Variants in ADSL observed in about 807,000 individuals in gnomAD.
ADSL encodes adenylosuccinase.
A neutral mutation model predicts 62.1 loss-of-function variants in ADSL; 44 were observed. The ratio of observed to expected loss-of-function variants is 0.71; its 90% CI spans 0.56 to 0.91. The LOEUF is 0.91. Ranked by LOEUF, ADSL falls within the 40% of genes least tolerant of loss-of-function variation. The pLI is 0.00. For missense variants in ADSL, 531 were observed against 627.4 expected, an observed-to-expected ratio of 0.85 and a Z score of 1.64; for synonymous variants, 198 against 220.5, an observed-to-expected ratio of 0.90 and a Z score of 0.90.
At position 40,364,294 on chromosome 22, in the gene ADSL, C is replaced by T. The variant is rs376533026; in HGVS notation, c.1120C>T (p.Arg374Trp). ...CCTATAGGTAATTGAACGGCGCATT[C>T]GGCAAGAGCTGCCTTTCATGGCCAC... ...VYPKVIERRI[R>W]QELPFMATEN... The change falls in exon 11 of 13, where the codon CGG becomes TGG. Residue 374 changes from arginine (R) to tryptophan (W), a missense_variant. Arg to Trp is a moderately radical substitution (Grantham distance 101). Transcript: ENST00000623063. 1.1e-5 allele frequency: 17 copies of T among 1,613,930 alleles called. No individual in the cohort carries two copies. The highest frequency in any genetic ancestry group is 4.4e-5 in the South Asian group (4 of 91,056).
At chr22:40,382,335 G>T (rs1417551891) in intron 2 of ADSL, among the ~76,000 whole-genome samples, 1 of 152,178 alleles carries the variant, frequency 6.6e-6, no homozygotes, top group South Asian at 2.1e-4. Flanking sequence ...CTGGGGGATT[G>T]GTTGTTGGTA....
At chr22:40,363,176 A>G (rs1640555406) in intron 10 of ADSL, 105 bp downstream of exon 10, 1 of 1,054,284 alleles carries the variant, frequency 9.5e-7, no homozygotes. Flanking sequence ...TCCGATAGGC[A>G]TTCTTCCCAC....
intron 3 of ADSL, 45 bp downstream of exon 3, chr22:40,353,162 G>T: frequency 6.7e-7 from 1 of 1,500,510 alleles, no homozygotes; most frequent in Non-Finnish European, 9.3e-7. Flanking sequence ...GATTCCCTAT[G>T]TTAGGAGATA....
At chr22:40,352,496 A>G (rs150038162) in intron 2 of ADSL, among the ~76,000 whole-genome samples, 1 of 152,214 alleles carries the variant, frequency 6.6e-6, no homozygotes, top group East Asian at 1.9e-4. Context: ...CCACTGCACT[A>G]CAGCCTGGGC....
chr22:40,365,652 T>A (rs908550758), intron 12 of ADSL, among the ~76,000 whole-genome samples: 2 of 152,008 alleles, frequency 1.3e-5, no homozygotes, highest in African/African-American at 2.4e-5. Flanking sequence ...GGAGGATTGC[T>A]TGAGCTCAGG....
chr22:40,381,758 T>A (rs2047614455), intron 2 of ADSL, among the ~76,000 whole-genome samples: 1 of 152,130 alleles, frequency 6.6e-6, no homozygotes, highest in Admixed American at 6.6e-5. Flanking sequence ...AGTTCAAGAC[T>A]GGCCTGAGCA....
At chr22:40,361,956 G>A (rs2044806979) in intron 9 of ADSL, among the ~76,000 whole-genome samples, 1 of 152,182 alleles carries the variant, frequency 6.6e-6, no homozygotes, top group South Asian at 2.1e-4. Flanking sequence ...CACAAAGCAG[G>A]AGAAAACACA....
intron 8 of ADSL, 45 bp from the exon 9 acceptor site, chr22:40,361,443 G>C (rs773030423): frequency 5.6e-6 from 9 of 1,613,938 alleles, no homozygotes; most frequent in Non-Finnish European, 7.6e-6. Flanking sequence ...ACTATCCTCT[G>C]AAGTCTCTCT....
chr22:40,353,331 A>G (rs1054187937), intron 3 of ADSL: 1 of 703,636 alleles, frequency 1.4e-6, no homozygotes, highest in Non-Finnish European at 2.6e-6. Flanking sequence ...TTCTTGAGCC[A>G]GAGTCTCATT....
chr22:40,354,093 G>A, intron 3 of ADSL, 155 bp from the exon 4 acceptor site: 1 of 759,428 alleles, frequency 1.3e-6, no homozygotes, highest in Non-Finnish European at 2.3e-6. Flanking sequence ...AACTCTTCCA[G>A]GCACTTTAGG....
intron 9 of ADSL, 87 bp from the exon 10 acceptor site, chr22:40,362,894 G>A (rs1309110624): frequency 8.2e-7 from 1 of 1,214,724 alleles, no homozygotes; most frequent in Non-Finnish European, 1.2e-6. Context: ...AGAGAGTACA[G>A]TCAGTAGGGC....
Position 40,360,977 on chromosome 22 carries a change from A to G in ADSL, c.793-296A>G, listed in dbSNP as rs2044760773. The G allele has an allele frequency of 7.0e-6, 3 of 430,720 alleles. No homozygotes were observed. The Admixed American group carries it at 1.0e-4, about 14-fold the overall frequency. 26.7% of individuals were successfully genotyped at this position (430,720 alleles called of 1,614,324 possible). A position where few individuals can be genotyped will look rare whatever the true frequency, so the allele number is the denominator to read the frequency against. ...CAGCCTCCCAAAATGCTGGGATTAC[A>G]GGTGTGAGCCACCGCGCCCATCCTG... On this transcript the variant is annotated intron_variant, in intron 7 of 12. Transcript: ENST00000623063.
intron 4 of ADSL, among the ~76,000 whole-genome samples, chr22:40,354,587 TG>T (rs2044477806): frequency 6.6e-6 from 1 of 152,156 alleles, no homozygotes; most frequent in Non-Finnish European, 1.5e-5. Context: ...ACAATCTAAA[TG>T]GGCCGGGTGT....
intron 2 of ADSL, among the ~76,000 whole-genome samples, chr22:40,386,836 A>G (rs1320861484): frequency 1.3e-5 from 2 of 152,100 alleles, no homozygotes. Flanking sequence ...AAAGAAGTTA[A>G]TGGTCTCTAA....
At chr22:40,346,809 T>A (rs2044160053) in intron 1 of ADSL, 98 bp downstream of exon 1, 1 of 1,303,462 alleles carries the variant, frequency 7.7e-7, no homozygotes, top group Non-Finnish European at 1.0e-6. Flanking sequence ...ACCCCGGAGC[T>A]GCGGCCCGGC....
rs1398695303 is a variant in ADSL at position 40,365,061 on chromosome 22, G to C, written c.1368+5G>C. 1.2e-6 allele frequency: 2 copies of C among 1,612,546 alleles called. No individual in the cohort carries two copies. Among genetic ancestry groups the C allele is most frequent in the South Asian group, 2.2e-5 (2 of 91,058 alleles). On this transcript the variant is annotated splice_donor_5th_base_variant and intron_variant, in intron 12 of 12. Transcript: ENST00000623063. ...ACTGGTCGTGCCTCCCAGCAGGTAA[G>C]CTTCCAAGAAGCCTCTTTTCTGCTG...
At chr22:40,362,942 T>C in intron 9 of ADSL, 39 bp from the exon 10 acceptor site, 1 of 1,559,044 alleles carries the variant, frequency 6.4e-7, no homozygotes. Flanking sequence ...ACTGAAATTA[T>C]TTGTTTAAAG....
intron 1 of ADSL, among the ~76,000 whole-genome samples, chr22:40,349,080 A>T (rs1393922849): frequency 1.3e-5 from 2 of 152,204 alleles, no homozygotes; most frequent in Admixed American, 1.3e-4. Flanking sequence ...GGCCACCATC[A>T]TGCCAAGCAC....
chr22:40,359,366 A>T, intron 6 of ADSL, 60 bp downstream of exon 6: 1 of 1,533,830 alleles, frequency 6.5e-7, no homozygotes, highest in Non-Finnish European at 9.0e-7. Context: ...TATATTCAGT[A>T]TACCTGCAGA....
Sources: gnomAD v4.1 joint callset for allele counts (sites outside exome capture counted in the v4.1 genomes callset) on GRCh38, gnomAD v4.1.1 for gene constraint, MANE v1.5 for transcripts, NCBI Gene and HGNC (gene_info 2026-07-23, HGNC 2026-07-21) for gene names.